Variants in WDR62 observed in about 807,000 individuals in gnomAD.
WDR62 encodes the protein WD repeat domain 62.
In WDR62, 112 loss-of-function variants were observed where a neutral mutation model predicts 160.6. The observed-to-expected ratio is 0.70, with a 90% CI of 0.60 to 0.82. WDR62 has a LOEUF of 0.82. WDR62 is among the 40% of genes least tolerant of loss of function. The pLI is 0.00. For synonymous variants in WDR62, 792 were observed against 815.1 expected (o/e 0.97, Z 0.48); for missense variants, 1,819 against 1,983.8 (o/e 0.92, Z 1.58).
intron 18 of WDR62, among the ~76,000 whole-genome samples, chr19:36,092,210 C>G (rs1255214263): frequency 6.6e-6 from 1 of 151,114 alleles, no homozygotes; most frequent in Non-Finnish European, 1.5e-5. Flanking sequence ...ACTTGGGAGG[C>G]TGAGGCATGA....
intron 7 of WDR62, chr19:36,070,163 T>TG (rs35014836): frequency 4.6e-5 from 1 of 21,614 alleles, no homozygotes; most frequent in Admixed American, 5.1e-4. Context: ...TTATTTTTAC[T>TG]TTTTTTTTTT....
chr19:36,068,987 C>T (rs1178559804), intron 7 of WDR62, among the ~76,000 whole-genome samples: 3 of 151,316 alleles, frequency 2.0e-5, no homozygotes, highest in East Asian at 2.0e-4. Flanking sequence ...CGGAGGCGGA[C>T]CCCCACCTCC....
chr19:36,088,422 A>G (rs1392552046), intron 13 of WDR62, among the ~76,000 whole-genome samples: 1 of 152,212 alleles, frequency 6.6e-6, no homozygotes, highest in African/African-American at 2.4e-5. Flanking sequence ...CACCATGCCC[A>G]TTGTACGGAC....
Position 36,086,816 on chromosome 19 carries a change from A to G in WDR62, c.1768+4A>G. The G allele has an allele frequency of 6.2e-7, 1 of 1,609,396 alleles. No individual in the cohort carries two copies. The highest frequency in any genetic ancestry group is 8.5e-7 in the Non-Finnish European group (1 of 1,177,518). ...ATCACCGCCATCAAGTTCGCTGGTG[A>G]GCCCCTTTCTTCCCGCTCCCTGCGC... On this transcript the variant is annotated splice_donor_region_variant and intron_variant, in intron 13 of 31. Coordinates refer to ENST00000401500, the MANE Select transcript of WDR62 (RefSeq NM_001083961.2).
intron 10 of WDR62, among the ~76,000 whole-genome samples, chr19:36,082,125 G>A (rs926298413): frequency 1.3e-5 from 2 of 152,222 alleles, no homozygotes; most frequent in Non-Finnish European, 2.9e-5. Flanking sequence ...CAGGTGCTTG[G>A]CTACATGCTA....
intron 13 of WDR62, 146 bp from the exon 14 acceptor site, chr19:36,088,892 C>G: frequency 1.1e-6 from 1 of 882,254 alleles, no homozygotes; most frequent in Non-Finnish European, 1.8e-6. Flanking sequence ...CAGAGTCCCA[C>G]CCAGACCCAG....
Position 36,066,269 on chromosome 19 carries a change from C to T in WDR62, c.403C>T (p.Pro135Ser). 6.2e-7 allele frequency: 1 copy of T among 1,614,198 alleles called. No individual in the cohort carries two copies. Among genetic ancestry groups the T allele is most frequent in the Non-Finnish European group, 8.5e-7 (1 of 1,180,032 alleles). ...YIVTGENGHR[P>S]AVRIWDVEEK... is the part of the protein sequence containing the mutation. Reference sequence around the variant, plus strand: ...CCACCTTCCCTAGAATGGGCATAGGCCTGCTGTGCGCATCTGGGATGTGGA... The same window carrying T: ...CCACCTTCCCTAGAATGGGCATAGGTCTGCTGTGCGCATCTGGGATGTGGA... Residue 135 changes from proline (P) to serine (S), a missense_variant, in exon 5 of 32, where the codon CCT (proline) becomes TCT (serine). This residue lies in a region of WDR62 where 934 missense variants were observed against 1,157.2 expected (regional missense o/e 0.81). Coordinates refer to ENST00000401500, the MANE Select transcript of WDR62 (RefSeq NM_001083961.2).
chr19:36,071,615 T>A lies in WDR62; in HGVS notation c.942T>A (p.Asp314Glu). 1 of 1,614,234 alleles carries A rather than the reference T, an allele frequency of 6.2e-7. No homozygotes were observed. Among genetic ancestry groups the A allele is most frequent in the Non-Finnish European group, 8.5e-7 (1 of 1,180,042 alleles). ...AGCTCATCTTCTGTGGCTGCACAGA[T>A]GGGATAGTCCGCATCTTCCAGGCCC... is the stretch of plus-strand genomic sequence containing the variant. ...SQELIFCGCTDGIVRIFQAHS... is the reference protein window; with the variant it reads ...SQELIFCGCTEGIVRIFQAHS... The change falls in exon 8 of 32, where the codon GAT becomes GAA. Residue 314 changes from aspartate to glutamate, a missense_variant. Physicochemically the swap from Asp to Glu is conservative, Grantham distance 45. Coordinates refer to ENST00000401500, the MANE Select transcript of WDR62 (RefSeq NM_001083961.2).
Position 36,104,519 on chromosome 19 carries a change from T to G in WDR62, c.4155T>G (p.Gly1385=). 1 of 1,613,600 alleles carries G rather than the reference T, an allele frequency of 6.2e-7. No individual in the cohort carries two copies. Among genetic ancestry groups the G allele is most frequent in the South Asian group, 1.1e-5 (1 of 91,076 alleles). The change falls in exon 31 of 32, where the codon GGT becomes GGG. Residue 1385 remains glycine (G), a splice_region_variant and synonymous_variant. Coordinates refer to ENST00000401500, the MANE Select transcript of WDR62 (RefSeq NM_001083961.2). The part of the protein sequence containing the change: ...GTASLLEPTS[G]ALGLLQGSPA... Reference sequence around the variant, plus strand: ...CTCATTCCCTTCTCTCTACCCCAGGTGCACTTGGTCTGTTACAGGGCAGCC... The same window carrying G: ...CTCATTCCCTTCTCTCTACCCCAGGGGCACTTGGTCTGTTACAGGGCAGCC...
chr19:36,098,747 C>T (rs1973131358), intron 21 of WDR62, among the ~76,000 whole-genome samples: 1 of 152,142 alleles, frequency 6.6e-6, no homozygotes, highest in African/African-American at 2.4e-5. Context: ...CTTTGAAATA[C>T]CTACCAGACA....
In WDR62 at chr19:36,096,808, C is replaced by T. The variant is rs143316481; in HGVS notation, c.2468-219C>T. ...GCTCTCCATTGTCCCCACACTTTTC[C>T]TGCCATCCTTTGGTAGTATTAAGCT... On this transcript the variant is annotated intron_variant, in intron 20 of 31. Transcript: ENST00000401500. Among the ~76,000 whole-genome samples, 78 of 152,324 alleles carry T rather than the reference C, an allele frequency of 5.1e-4. 1 individual carries two copies. In the East Asian group the frequency reaches 0.014, roughly 27 times the overall value.
At chr19:36,110,179 A>AC in the WDR62 span, among the ~76,000 whole-genome samples, 3 of 150,944 alleles carry the variant, frequency 2.0e-5, no homozygotes, top group African/African-American at 4.9e-5. Context: ...GTGTCAAGAG[A>AC]CCCCCTTTGG....
At chr19:36,066,946 G>C (rs1970973022) in intron 5 of WDR62, among the ~76,000 whole-genome samples, 1 of 152,178 alleles carries the variant, frequency 6.6e-6, no homozygotes, top group South Asian at 2.1e-4. Flanking sequence ...ATCCTGTGAA[G>C]GGCTCAGGGC....
intron 5 of WDR62, 91 bp downstream of exon 5, chr19:36,066,518 G>A: frequency 7.0e-7 from 1 of 1,432,346 alleles, no homozygotes; most frequent in Non-Finnish European, 9.5e-7. Flanking sequence ...AGAGGACGCA[G>A]TAAAGTGCTC....
intron 14 of WDR62, 30 bp downstream of exon 14, chr19:36,089,135 G>A: frequency 6.2e-7 from 1 of 1,613,614 alleles, no homozygotes. Flanking sequence ...TTGGGGGCTG[G>A]GGTGGGGGGT....
Position 36,103,979 on chromosome 19 carries a change from C to G in WDR62, c.4151C>G (p.Ser1384Cys), listed in dbSNP as rs765600273. 2 of 1,597,696 alleles carry G rather than the reference C, an allele frequency of 1.3e-6. No individual in the cohort carries two copies. The highest frequency in any genetic ancestry group is 1.7e-5 in the Admixed American group (1 of 60,020). The change falls in exon 30 of 32, where the codon TCC becomes TGC. Residue 1384 changes from serine (S) to cysteine (C), a missense_variant and splice_region_variant. Physicochemically the swap from Ser to Cys is moderately radical, Grantham distance 112 (BLOSUM62 -1). This residue lies in a region of WDR62 where 770 missense variants were observed against 734.2 expected (regional missense o/e 1.05). Transcript: ENST00000401500. Reference protein sequence around the residue: ...GGTASLLEPTSGALGLLQGSP... With the variant: ...GGTASLLEPTCGALGLLQGSP... ...ACTGCCTCCCTCCTGGAGCCCACCTCCGGTGAGTACAGCCCTGGAGCAAGG... is the reference window on the plus strand; with the variant it reads ...ACTGCCTCCCTCCTGGAGCCCACCTGCGGTGAGTACAGCCCTGGAGCAAGG...
At chr19:36,088,321 G>A (rs1190113762) in intron 13 of WDR62, among the ~76,000 whole-genome samples, 3 of 152,168 alleles carry the variant, frequency 2.0e-5, no homozygotes, top group Non-Finnish European at 4.4e-5. Flanking sequence ...AAAAAGAAAT[G>A]AGAATAATAA....
At chr19:36,101,964 T>C in intron 25 of WDR62, 50 bp from the exon 26 acceptor site, 2 of 1,613,340 alleles carry the variant, frequency 1.2e-6, no homozygotes, top group Non-Finnish European at 1.7e-6. Context: ...TGGCGTCTGC[T>C]GTGACTCATG....
At position 36,104,568 on chromosome 19, in the gene WDR62, G is replaced by A; in HGVS notation, c.4204G>A (p.Val1402Met). 2 of 1,613,752 alleles carry A rather than the reference G, an allele frequency of 1.2e-6. No individual in the cohort carries two copies. The highest frequency in any genetic ancestry group is 1.7e-6 in the Non-Finnish European group (2 of 1,179,828). Residue 1402 changes from valine (V) to methionine (M), a missense_variant, in exon 31 of 32, where the codon GTG becomes ATG. Around this residue, in one of 3 missense-constraint regions of WDR62, gnomAD observed 770 missense variants for 734.2 expected, o/e 1.05. Coordinates refer to ENST00000401500, the MANE Select transcript of WDR62 (RefSeq NM_001083961.2). ...CCCTGCCCGCTGGAGTGAGCCCTGGGTGCCGGTTGAAGCCCTGCCCCCATC... is the reference window on the plus strand; with the variant it reads ...CCCTGCCCGCTGGAGTGAGCCCTGGATGCCGGTTGAAGCCCTGCCCCCATC... ...GSPARWSEPW[V>M]PVEALPPSPL...
Sources: allele counts gnomAD v4.1 joint callset (sites outside exome capture counted in the v4.1 genomes callset), GRCh38; gene constraint gnomAD v4.1.1; regional missense constraint gnomAD v4.1.1; transcripts MANE v1.5; gene names NCBI Gene and HGNC (gene_info 2026-07-23, HGNC 2026-07-21).